The following OR51B5 variants were observed in gnomAD, a reference collection of about 807,000 sequenced individuals.
OR51B5 encodes olfactory receptor family 51 subfamily B member 5, also known as olfactory receptor 51B5.
For synonymous variants in OR51B5, 186 were observed against 144.8 expected, an observed-to-expected ratio of 1.28 and a Z score of -2.04; for missense variants, 456 against 374.6, an observed-to-expected ratio of 1.22 and a Z score of -1.79.
At chr11:5,342,099 A>G (rs1164798761), downstream of OR51B5, among the ~76,000 whole-genome samples, 3 of 152,142 alleles carry the variant, frequency 2.0e-5, no homozygotes, top group Non-Finnish European at 2.9e-5. Context: ...TTGCAGGAAA[A>G]TTCCTGGACT....
rs1469349834 is a variant in OR51B5 at position 5,499,821 on chromosome 11, G to T, written n.84+5748C>A. Reference sequence around the variant, plus strand: ...TACTAGCTTGTCAGCTTCCACTCTTGCCCTCACCACCCACTGCCAACTTAA... The same window carrying T: ...TACTAGCTTGTCAGCTTCCACTCTTTCCCTCACCACCCACTGCCAACTTAA... On this transcript the variant is annotated intron_variant and non_coding_transcript_variant, in intron 1 of 4. Transcript: ENST00000415970. Among the ~76,000 whole-genome samples the T allele has an allele frequency of 2.0e-5, 3 of 152,082 alleles. No homozygotes were observed. In the East Asian group the frequency reaches 5.8e-4, roughly 29 times the overall value.
chr11:5,453,436 A>C, intron 1 of OR51B5: 1 of 1,345,946 alleles, frequency 7.4e-7, no homozygotes, highest in Non-Finnish European at 1.0e-6. Context: ...AACTGTTAGA[A>C]TTCTCCAAGT....
chr11:5,486,952 C>T (rs775156897), intron 1 of OR51B5, among the ~76,000 whole-genome samples: 1 of 151,654 alleles, frequency 6.6e-6, no homozygotes, highest in Non-Finnish European at 1.5e-5. Context: ...TTCCTAATTC[C>T]ACCTCTTTGG....
chr11:5,343,788 T>G (rs1161374192), upstream of OR51B5, among the ~76,000 whole-genome samples: 8 of 152,354 alleles, frequency 5.3e-5, no homozygotes, highest in African/African-American at 1.7e-4. Flanking sequence ...CATTTAAGCA[T>G]TCTCTTCAGA....
At chr11:5,475,721 T>C (rs1390586860) in intron 1 of OR51B5, among the ~76,000 whole-genome samples, 4 of 152,176 alleles carry the variant, frequency 2.6e-5, no homozygotes, top group African/African-American at 9.7e-5. Flanking sequence ...TCTCCTATTC[T>C]TTAATATATT....
At position 5,451,625 on chromosome 11, in the gene OR51B5, G is replaced by A. The variant is rs528527191; in HGVS notation, n.84+53944C>T. ...GGGGATATTTTAAAAATGCTTCCTG[G>A]GGTGACAATGCTTCATTGCACCCCA... On this transcript the variant is annotated intron_variant and non_coding_transcript_variant, in intron 1 of 4. Transcript: ENST00000415970. 5.9e-5 allele frequency among the ~76,000 whole-genome samples: 9 copies of A among 152,234 alleles called. No homozygotes were observed. The South Asian group carries it at 1.7e-3, about 28-fold the overall frequency.
At chr11:5,390,523 T>C in intron 1 of OR51B5, 1 of 664,318 alleles carries the variant, frequency 1.5e-6, no homozygotes, top group Non-Finnish European at 2.4e-6. Flanking sequence ...TGTCTGGAGT[T>C]GTGGCTTTAA....
chr11:5,415,503 G>C (rs369210873), intron 1 of OR51B5, among the ~76,000 whole-genome samples: 4 of 151,844 alleles, frequency 2.6e-5, no homozygotes, highest in East Asian at 3.9e-4. Flanking sequence ...TTCTTGAAAG[G>C]ATCAACAAAA....
intron 1 of OR51B5, among the ~76,000 whole-genome samples, chr11:5,447,906 T>A (rs2133781634): frequency 6.6e-6 from 1 of 152,240 alleles, no homozygotes; most frequent in African/African-American, 2.4e-5. Context: ...TCAACCCCCA[T>A]CTCAGAAGAG....
At chr11:5,376,733 A>C (rs1849534626) in intron 1 of OR51B5, among the ~76,000 whole-genome samples, 1 of 151,986 alleles carries the variant, frequency 6.6e-6, no homozygotes, top group African/African-American at 2.4e-5. Flanking sequence ...ATTCCTGGAC[A>C]CATACACTAT....
chr11:5,402,484 C>CTTTTTT, intron 1 of OR51B5: 1 of 357,984 alleles, frequency 2.8e-6, no homozygotes, highest in Non-Finnish European at 5.6e-6. Context: ...TGTGAGTTTG[C>CTTTTTT]TTTTTTCTTC....
At chr11:5,432,101 A>G (rs367873898) in intron 1 of OR51B5, among the ~76,000 whole-genome samples, 26 of 152,352 alleles carry the variant, frequency 1.7e-4, no homozygotes, top group African/African-American at 6.0e-4. Flanking sequence ...CTACTCTGCT[A>G]TCAAACATTA....
chr11:5,372,401 TCTC>T (rs1849461065), intron 1 of OR51B5, among the ~76,000 whole-genome samples: 1 of 152,196 alleles, frequency 6.6e-6, no homozygotes, highest in Non-Finnish European at 1.5e-5. Context: ...GCACAAGAGT[TCTC>T]CTTTCTCCAC....
At chr11:5,435,246 T>C (rs1300774854) in intron 1 of OR51B5, among the ~76,000 whole-genome samples, 1 of 152,246 alleles carries the variant, frequency 6.6e-6, no homozygotes, top group Non-Finnish European at 1.5e-5. Context: ...ACCACTATCC[T>C]GGACAGATCT....
intron 1 of OR51B5, among the ~76,000 whole-genome samples, chr11:5,416,514 A>G (rs531290296): frequency 0.011 from 1,595 of 151,622 alleles, 26 homozygotes; most frequent in African/African-American, 0.036. Flanking sequence ...ACATGATTGT[A>G]TATCTAGAAA....
intron 1 of OR51B5, among the ~76,000 whole-genome samples, chr11:5,417,916 A>G (rs1850267321): frequency 7.4e-6 from 1 of 134,790 alleles, no homozygotes; most frequent in Non-Finnish European, 1.6e-5. Flanking sequence ...TACTGGGTAT[A>G]TACCCAAAGG....
intron 1 of OR51B5, among the ~76,000 whole-genome samples, chr11:5,479,370 A>T (rs1336590269): frequency 2.0e-5 from 3 of 151,596 alleles, no homozygotes; most frequent in African/African-American, 4.9e-5. Context: ...AGCACTAAAC[A>T]TGGAAAGGAA....
intron 1 of OR51B5, among the ~76,000 whole-genome samples, chr11:5,479,373 G>C (rs1851377650): frequency 6.6e-6 from 1 of 151,450 alleles, no homozygotes; most frequent in South Asian, 2.1e-4. Context: ...ACTAAACATG[G>C]AAAGGAACAA....
intron 1 of OR51B5, among the ~76,000 whole-genome samples, chr11:5,420,900 G>A (rs914062683): frequency 2.0e-5 from 3 of 151,870 alleles, no homozygotes; most frequent in Admixed American, 2.0e-4. Context: ...CAGAGGCTCA[G>A]GTTAAGATGA....
Sources: gnomAD v4.1 joint callset for allele counts (sites outside exome capture counted in the v4.1 genomes callset) on GRCh38, gnomAD v4.1.1 for gene constraint, MANE v1.5 for transcripts, NCBI Gene and HGNC (gene_info 2026-07-23, HGNC 2026-07-21) for gene names.